Variants in ADCY10 observed in about 807,000 individuals in gnomAD.
ADCY10 encodes adenylate cyclase 10.
Under a neutral mutation model 183.3 loss-of-function variants are expected in ADCY10, and 156 were observed. The ratio of observed to expected loss-of-function variants is 0.85; its 90% confidence interval spans 0.75 to 0.97. ADCY10 has a LOEUF of 0.97. Ranked by LOEUF, ADCY10 falls within the 50% of genes least tolerant of loss-of-function variation. The probability of loss-of-function intolerance (pLI) is 0.00; values close to 1 mark genes in which losing one functional copy is unlikely to be tolerated. For synonymous variants in ADCY10, 645 were observed against 670.0 expected (o/e 0.96, Z 0.58); for missense variants, 1,745 against 1,934.3 (o/e 0.90, Z 1.84).
In ADCY10 at chr1:167,901,726, C is replaced by A. The variant is rs1429110892; in HGVS notation, c.372G>T (p.Leu124=). The A allele has an allele frequency of 6.2e-7, 1 of 1,614,186 alleles. No homozygotes were observed. ...GGGTCTCAAACAATCCATGGATCTCCAGGCTACATTTAATTACCACTGTGA... is the reference window on the plus strand; with the variant it reads ...GGGTCTCAAACAATCCATGGATCTCAAGGCTACATTTAATTACCACTGTGA... ...NIITVVIKCS[L]EIHGLFETQE... The change falls in exon 5 of 33, where the codon CTG becomes CTT. Residue 124 remains leucine, a synonymous_variant. Coordinates refer to ENST00000367851, the MANE Select transcript of ADCY10 (RefSeq NM_018417.6).
At chr1:167,834,932 T>C (rs955573694) in intron 23 of ADCY10, among the ~76,000 whole-genome samples, 1 of 152,214 alleles carries the variant, frequency 6.6e-6, no homozygotes, top group Non-Finnish European at 1.5e-5. Context: ...ATTGGCTACA[T>C]CCCCATCATC....
At position 167,821,057 on chromosome 1, in the gene ADCY10, G is replaced by C. The variant is rs1032526220; in HGVS notation, c.4286+967C>G. ...ATCACAAACCTCTGATAGACCATAC[G>C]GTTGCATATAATTAAGATAGGAAAT... On this transcript the variant is annotated intron_variant, in intron 30 of 32. Coordinates refer to ENST00000367851, the MANE Select transcript of ADCY10 (RefSeq NM_018417.6). 27 of 152,250 alleles carry C rather than the reference G, an allele frequency of 1.8e-4. 1 individual carries two copies. Among genetic ancestry groups the C allele is most frequent in the Admixed American group, 1.3e-3 (20 of 15,298 alleles). The allele number at this position is 152,250 out of a possible 1,614,324, so 9.4% of individuals were successfully genotyped here.
At chr1:167,845,059 C>T (rs1664905727) in intron 21 of ADCY10, among the ~76,000 whole-genome samples, 1 of 152,214 alleles carries the variant, frequency 6.6e-6, no homozygotes, top group African/African-American at 2.4e-5. Context: ...ACTTTTGCTT[C>T]TCCGATGGTC....
At chr1:167,905,665 A>C (rs1014608961) in intron 1 of ADCY10, among the ~76,000 whole-genome samples, 2 of 151,936 alleles carry the variant, frequency 1.3e-5, no homozygotes, top group African/African-American at 4.8e-5. Flanking sequence ...TGAGTATTAG[A>C]GTTTTGTATA....
intron 16 of ADCY10, among the ~76,000 whole-genome samples, chr1:167,858,802 G>A (rs945990403): frequency 5.9e-5 from 9 of 152,192 alleles, no homozygotes; most frequent in Admixed American, 5.9e-4. Flanking sequence ...ATGGGTTGGT[G>A]TGATTTGCAT....
chr1:167,870,974 C>G (rs550346737), intron 13 of ADCY10, among the ~76,000 whole-genome samples: 2 of 152,176 alleles, frequency 1.3e-5, no homozygotes, highest in African/African-American at 4.8e-5. Flanking sequence ...TCTTATAATC[C>G]TCATTATAAT....
chr1:167,876,179 C>G (rs1010978715), intron 12 of ADCY10, among the ~76,000 whole-genome samples: 21 of 151,720 alleles, frequency 1.4e-4, no homozygotes, highest in African/African-American at 5.1e-4. Context: ...ATCGCTTGAA[C>G]CCAAGAGACA....
At chr1:167,904,747 A>G in intron 2 of ADCY10, 1 of 615,840 alleles carries the variant, frequency 1.6e-6, no homozygotes, top group African/African-American at 1.8e-5. Context: ...GAGATACTGG[A>G]GCAAAGAATG....
chr1:167,814,002 G>C (rs989992871), intron 31 of ADCY10, among the ~76,000 whole-genome samples: 1 of 151,994 alleles, frequency 6.6e-6, no homozygotes, highest in Non-Finnish European at 1.5e-5. Context: ...AATGGGGAAA[G>C]AACTTAAATG....
rs757285965 is a variant in ADCY10, at chr1:167,854,472, C to T, written c.2189G>A (p.Ser730Asn). The T allele has an allele frequency of 1.9e-5, 31 of 1,614,176 alleles. No homozygotes were observed. The highest frequency in any genetic ancestry group is 4.4e-5 in the South Asian group (4 of 91,078). The stretch of plus-strand genomic sequence containing the variant: ...TTCACAGTAAAATGGAATCCCACAG[C>T]TTCCCTCCCCCAGGTACCTGTAGTG... ...KELDSYLGEG[S>N]CGIPFYCEEL... Residue 730 changes from serine to asparagine, a missense_variant, in exon 18 of 33, where the codon AGC becomes AAC. Ser to Asn is a conservative substitution (Grantham distance 46, BLOSUM62 1). Transcript: ENST00000367851.
At chr1:167,900,577 G>A (rs1310399372) in intron 5 of ADCY10, among the ~76,000 whole-genome samples, 1 of 151,718 alleles carries the variant, frequency 6.6e-6, no homozygotes, top group African/African-American at 2.4e-5. Flanking sequence ...TTGTTGCCCA[G>A]GCTGGAGTGC....
rs866233911 is a variant in ADCY10, at chr1:167,825,338, A to T, written c.3751-483T>A. On this transcript the variant is annotated intron_variant, in intron 26 of 32. Coordinates refer to ENST00000367851, the MANE Select transcript of ADCY10 (RefSeq NM_018417.6). The stretch of plus-strand genomic sequence containing the variant: ...TTTGTTTGGCTTTTTTTTTTTTTTT[A>T]AATAAGGACTAGTTTTAAACCTAAT... Among the ~76,000 whole-genome samples, 9 of 148,996 alleles carry T rather than the reference A, an allele frequency of 6.0e-5. No homozygotes were observed. The South Asian group carries it at 6.3e-4, about 10-fold the overall frequency.
intron 8 of ADCY10, among the ~76,000 whole-genome samples, chr1:167,885,563 A>C (rs1463891242): frequency 3.3e-5 from 5 of 152,064 alleles, no homozygotes; most frequent in Non-Finnish European, 7.4e-5. Context: ...ACCTTTTCAC[A>C]TATTTTTCAC....
chr1:167,848,141 C>T (rs1405835347), intron 19 of ADCY10, among the ~76,000 whole-genome samples: 1 of 152,000 alleles, frequency 6.6e-6, no homozygotes, highest in Non-Finnish European at 1.5e-5. Context: ...ACTGCAACCT[C>T]CGCCTCCCAG....
At chr1:167,811,415 C>T (rs187928589) in intron 31 of ADCY10, among the ~76,000 whole-genome samples, 8 of 152,096 alleles carry the variant, frequency 5.3e-5, no homozygotes, top group Non-Finnish European at 7.4e-5. Flanking sequence ...GGTGAAACTC[C>T]GTCTCTACTA....
At position 167,832,622 on chromosome 1, in the gene ADCY10, G is replaced by A. The variant is rs115047118; in HGVS notation, c.3593+365C>T. Among the ~76,000 whole-genome samples the A allele has an allele frequency of 3.6e-3, 545 of 152,256 alleles. 3 individuals carry two copies. The highest frequency in any genetic ancestry group is 5.9e-3 in the Non-Finnish European group (399 of 68,012). ...AAACCCAGTGTCTTAGCACCTAATG[G>A]AAGAGGGCTTGTGACTGAGGTCCCA... On this transcript the variant is annotated intron_variant, in intron 25 of 32. Transcript: ENST00000367851.
In ADCY10 at chr1:167,903,956, T is replaced by A. The variant is rs1669630956; in HGVS notation, c.184A>T (p.Met62Leu). Residue 62 changes from methionine (M) to leucine (L), a missense_variant, in exon 3 of 33, where the codon ATG (methionine) becomes TTG (leucine). Coordinates refer to ENST00000367851, the MANE Select transcript of ADCY10 (RefSeq NM_018417.6). Reference protein sequence around the residue: ...TAMTEKFSSAMYMDRGAEQLV... With the variant: ...TAMTEKFSSALYMDRGAEQLV... ...TGCTCAGCCCCTCTGTCCATGTACA[T>A]GGCACTGCTGAACTTCTCAGTCATT... The A allele has an allele frequency of 6.2e-7, 1 of 1,613,928 alleles. No homozygotes were observed. The highest frequency in any genetic ancestry group is 1.7e-5 in the Admixed American group (1 of 60,004).
At chr1:167,870,683 C>A (rs1399167106) in intron 13 of ADCY10, among the ~76,000 whole-genome samples, 1 of 150,546 alleles carries the variant, frequency 6.6e-6, no homozygotes, top group Non-Finnish European at 1.5e-5. Context: ...GTGGCGGGTG[C>A]CTGTAGTCCC....
At chr1:167,906,815 G>T (rs1571472124) in intron 1 of ADCY10, among the ~76,000 whole-genome samples, 1 of 151,852 alleles carries the variant, frequency 6.6e-6, no homozygotes, top group African/African-American at 2.4e-5. Flanking sequence ...ATAATAAAAA[G>T]AAAGGTACAA....
Sources: allele counts gnomAD v4.1 joint callset (sites outside exome capture counted in the v4.1 genomes callset), GRCh38; gene constraint gnomAD v4.1.1; transcripts MANE v1.5; gene names NCBI Gene and HGNC (gene_info 2026-07-23, HGNC 2026-07-21).